The following SLC8A2 variants were observed in gnomAD, a reference collection of about 807,000 sequenced individuals.
The protein encoded by SLC8A2 is solute carrier family 8 member A2.
Under a neutral mutation model 70.2 loss-of-function variants are expected in SLC8A2, and 14 were observed. That is an observed-to-expected ratio of 0.20 (90% CI 0.13 to 0.31). The LOEUF is 0.31. Ranked by LOEUF, SLC8A2 falls within the 10% of genes least tolerant of loss-of-function variation. The pLI is 1.00. For missense variants in SLC8A2, 779 were observed against 1,320.1 expected (o/e 0.59, Z 6.35); for synonymous variants, 575 against 594.3 (o/e 0.97, Z 0.47).
chr19:47,452,397 GGAGAGAGA>G (rs56184564), intron 3 of SLC8A2, among the ~76,000 whole-genome samples: 1,155 of 65,400 alleles, frequency 0.018, 27 homozygotes, highest in Middle Eastern at 0.026. Context: ...ATATATATAT[GGAGAGAGA>G]GAGAGAGAGA....
chr19:47,431,154 G>A (rs926493523), intron 9 of SLC8A2, among the ~76,000 whole-genome samples: 9 of 151,468 alleles, frequency 5.9e-5, no homozygotes, highest in Non-Finnish European at 1.3e-4. Flanking sequence ...TCAGCCTCCC[G>A]AGCAGCTGGG....
chr19:47,460,779 C>T (rs1967384634), intron 2 of SLC8A2, among the ~76,000 whole-genome samples: 1 of 152,018 alleles, frequency 6.6e-6, no homozygotes, highest in South Asian at 2.1e-4. Context: ...TTGCAGAGGC[C>T]TAAGACTCAG....
At chr19:47,431,910 T>C (rs1400762266) in intron 9 of SLC8A2, among the ~76,000 whole-genome samples, 3 of 152,030 alleles carry the variant, frequency 2.0e-5, no homozygotes, top group Non-Finnish European at 2.9e-5. Context: ...ATGAAATCCA[T>C]TGTCTGGTTT....
intron 7 of SLC8A2, 67 bp from the exon 8 acceptor site, chr19:47,437,628 C>A: frequency 7.4e-7 from 1 of 1,357,894 alleles, no homozygotes; most frequent in Non-Finnish European, 1.1e-6. Flanking sequence ...CATGTTGGGT[C>A]CTGGGTCGGG....
intron 3 of SLC8A2, among the ~76,000 whole-genome samples, chr19:47,453,806 T>C (rs1967272546): frequency 1.3e-5 from 2 of 152,148 alleles, no homozygotes; most frequent in South Asian, 2.1e-4. Flanking sequence ...GTGCCTGTAG[T>C]CCCAGCTATA....
intron 2 of SLC8A2, among the ~76,000 whole-genome samples, chr19:47,460,043 AC>A (rs1967374815): frequency 6.6e-6 from 1 of 151,570 alleles, no homozygotes; most frequent in African/African-American, 2.4e-5. Flanking sequence ...CTCCCCCATC[AC>A]CTGGGGGTGC....
intron 3 of SLC8A2, among the ~76,000 whole-genome samples, chr19:47,455,987 T>C (rs778703666): frequency 3.9e-5 from 6 of 152,258 alleles, no homozygotes; most frequent in African/African-American, 7.2e-5. Context: ...ATAGCACTTA[T>C]TGCCACTTCA....
At position 47,457,553 on chromosome 19, in the gene SLC8A2, G is replaced by A. The variant is rs1967323075; in HGVS notation, c.717C>T (p.Cys239=). The A allele has an allele frequency of 1.3e-6, 2 of 1,593,950 alleles. No individual in the cohort carries two copies. The highest frequency in any genetic ancestry group is 1.7e-6 in the Non-Finnish European group (2 of 1,170,828). Residue 239 remains cysteine (C), a synonymous_variant, in exon 3 of 10, where the codon TGC becomes TGT. Transcript: ENST00000236877. ...ALLTLVFFPV[C]VVFAWMADKR... The stretch of plus-strand genomic sequence containing the variant: ...TGTCGGCCATCCAGGCGAATACCAC[G>A]CACACCGGGAAGAAGACCAGGGTCA...
At chr19:47,435,930 C>A (rs1285215810) in intron 8 of SLC8A2, among the ~76,000 whole-genome samples, 2 of 152,136 alleles carry the variant, frequency 1.3e-5, no homozygotes, top group African/African-American at 2.4e-5. Context: ...GGGCTTCCCC[C>A]ATTCAAAACC....
rs892713450 is a variant in SLC8A2, at chr19:47,447,656, G to A, written c.1763+153C>T. ...GGGTCACAGGCCCCGCCCACGTTGC[G>A]GGCACGGCCACGCAGGCCCCTCCCC... On this transcript the variant is annotated intron_variant, in intron 4 of 9. Transcript: ENST00000236877. The surrounding 1 kb of genome is among the most constrained non-coding windows in gnomAD (Gnocchi z 5.1). 3 of 698,388 alleles carry A rather than the reference G, an allele frequency of 4.3e-6. No individual in the cohort carries two copies. In the African/African-American group the frequency reaches 6.2e-5, roughly 14 times the overall value. The allele number at this position is 698,388 out of a possible 1,614,324, so 43.3% of individuals were successfully genotyped here.
chr19:47,465,798 G>C lies in SLC8A2; in HGVS notation c.606C>G (p.Ala202=). Residue 202 remains alanine, a synonymous_variant, in exon 2 of 10, where the codon GCC becomes GCG. Transcript: ENST00000236877. This position sits in a 1 kb window ranked among gnomAD's most constrained non-coding sequence, Gnocchi z 5.5. ...AGACATAGGCGAAGATGCTCCAAGA[G>C]GCAGTGACAAAGAAGACTCTCAGGT... is the stretch of plus-strand genomic sequence containing the variant. The part of the protein sequence containing the change: ...IKHLRVFFVT[A]SWSIFAYVWL... 1 of 1,614,176 alleles carries C rather than the reference G, an allele frequency of 6.2e-7. No individual in the cohort carries two copies.
chr19:47,436,781 G>A (rs566634348), intron 8 of SLC8A2, among the ~76,000 whole-genome samples: 3 of 152,148 alleles, frequency 2.0e-5, no homozygotes, highest in Non-Finnish European at 2.9e-5. Flanking sequence ...CCGTCAGTGG[G>A]TACAAGTGTC....
At chr19:47,470,970 G>C (rs1177966568) in intron 1 of SLC8A2, among the ~76,000 whole-genome samples, 1 of 151,846 alleles carries the variant, frequency 6.6e-6, no homozygotes, top group Admixed American at 6.6e-5. Flanking sequence ...CGGGTGGGGG[G>C]GTCTAATTCC....
At position 47,441,392 on chromosome 19, in the gene SLC8A2, C is replaced by A; in HGVS notation, c.1812G>T (p.Lys604Asn). 1 of 1,614,016 alleles carries A rather than the reference C, an allele frequency of 6.2e-7. No individual in the cohort carries two copies. The highest frequency in any genetic ancestry group is 1.1e-5 in the South Asian group (1 of 91,060). ...GGCCCAGCTCAATGAAGAAATTATC[C>A]TTTTTCTCATATTCCTCGTCATCAA... ...KIVDDEEYEK[K>N]DNFFIELGQP... The change falls in exon 5 of 10, where the codon AAG becomes AAT. Residue 604 changes from lysine to asparagine, a missense_variant. Physicochemically the swap from Lys to Asn is moderately conservative, Grantham distance 94. This residue lies in a region of SLC8A2 where 247 missense variants were observed against 362.8 expected (regional missense o/e 0.68). Transcript: ENST00000236877.
intron 4 of SLC8A2, among the ~76,000 whole-genome samples, chr19:47,445,094 C>G (rs1967144097): frequency 8.0e-6 from 1 of 124,702 alleles, no homozygotes; most frequent in African/African-American, 3.1e-5. Flanking sequence ...GTCTCTGTGT[C>G]TCTTCCTTTT....
At chr19:47,449,646 G>A (rs1967211762) in intron 3 of SLC8A2, among the ~76,000 whole-genome samples, 1 of 152,176 alleles carries the variant, frequency 6.6e-6, no homozygotes, top group African/African-American at 2.4e-5. Flanking sequence ...TTTGGTAAAG[G>A]GAACAGGCAA....
chr19:47,465,981 A>G lies in SLC8A2; in HGVS notation c.423T>C (p.Pro141=), dbSNP rs906482534. 15 of 1,613,930 alleles carry G rather than the reference A, an allele frequency of 9.3e-6. No homozygotes were observed. Among genetic ancestry groups the G allele is most frequent in the Non-Finnish European group, 1.2e-5 (14 of 1,179,986 alleles). ...LTLMALGSSA[P]EILLSVIEVC... ...CTTCGATGACTGACAGCAGGATCTC[A>G]GGTGCGGAGGAGCCCAGGGCCATGA... is the stretch of plus-strand genomic sequence containing the variant. The change falls in exon 2 of 10, where the codon CCT becomes CCC. Residue 141 remains proline, a synonymous_variant. Transcript: ENST00000236877. This position sits in a 1 kb window ranked among gnomAD's most constrained non-coding sequence, Gnocchi z 5.5.
chr19:47,441,305 A>G (rs769014460), intron 5 of SLC8A2, 32 bp downstream of exon 5: 2 of 1,587,808 alleles, frequency 1.3e-6, no homozygotes, highest in South Asian at 2.2e-5. Context: ...TGGACCCCTT[A>G]CTTCTCCCAC....
chr19:47,433,213 G>C (rs940472326), intron 8 of SLC8A2, among the ~76,000 whole-genome samples: 2 of 152,062 alleles, frequency 1.3e-5, no homozygotes, highest in Admixed American at 1.3e-4. Context: ...CCAGTCCACA[G>C]CTAGAAGTAT....
Sources: allele counts gnomAD v4.1 joint callset (sites outside exome capture counted in the v4.1 genomes callset), GRCh38; gene constraint gnomAD v4.1.1; regional missense constraint gnomAD v4.1.1; non-coding constraint Gnocchi (gnomAD v3.1); transcripts MANE v1.5; gene names NCBI Gene and HGNC (gene_info 2026-07-23, HGNC 2026-07-21).